PDGFRB: variants seen among roughly 807,000 people sequenced by gnomAD.
PDGFRB encodes the protein platelet derived growth factor receptor beta, also known as platelet-derived growth factor receptor beta.
A neutral mutation model predicts 120.2 loss-of-function variants in PDGFRB; 42 were observed. The observed-to-expected ratio is 0.35, with a 90% CI of 0.27 to 0.45. The LOEUF is 0.45. Ranked by LOEUF, PDGFRB falls within the 20% of genes least tolerant of loss-of-function variation. The pLI is 1.00. For missense variants in PDGFRB, 1,149 were observed against 1,476.3 expected (o/e 0.78, Z 3.63); for synonymous variants, 586 against 606.8 (o/e 0.97, Z 0.50).
chr5:150,123,328 C>T (rs1760201946), intron 14 of PDGFRB, 127 bp from the exon 15 acceptor site: 3 of 673,974 alleles, frequency 4.5e-6, no homozygotes, highest in South Asian at 1.8e-5. Flanking sequence ...GCTTTAGTGC[C>T]TTGCAAATCT....
rs165979 is a variant in PDGFRB at position 150,116,207 on chromosome 5, G to A, written c.3138-261C>T. Among the ~76,000 whole-genome samples, 79,691 of 152,046 alleles carry A rather than the reference G, an allele frequency of 0.52. 22,019 individuals carry two copies. Among genetic ancestry groups the A allele is most frequent in the African/African-American group, 0.71 (29,543 of 41,476 alleles). On this transcript the variant is annotated intron_variant, in intron 22 of 22. Transcript: ENST00000261799. ...GCAGGGTCAGCTGGCTCCAAAGCTC[G>A]TTTCTCACCCACCAGCATCTCCCTC...
intron 8 of PDGFRB, 96 bp from the exon 9 acceptor site, chr5:150,130,758 G>C (rs1385310580): frequency 9.4e-7 from 1 of 1,062,298 alleles, no homozygotes; most frequent in Non-Finnish European, 1.4e-6. Context: ...ACTCTCTTGG[G>C]GGAGGAGGGC....
Position 150,135,689 on chromosome 5 carries a change from T to G in PDGFRB, c.230A>C (p.Gln77Pro), listed in dbSNP as rs1269978839. 6.2e-7 allele frequency: 1 copy of G among 1,614,188 alleles called. No homozygotes were observed. Among genetic ancestry groups the G allele is most frequent in the Non-Finnish European group, 8.5e-7 (1 of 1,180,014 alleles). The change falls in exon 3 of 23, where the codon CAG (glutamine) becomes CCG (proline). Residue 77 changes from glutamine to proline, a missense_variant. Gln to Pro is a moderately conservative substitution (Grantham distance 76). Coordinates refer to ENST00000261799, the MANE Select transcript of PDGFRB (RefSeq NM_002609.4). ...QEPPQEMAKA[Q>P]DGTFSSVLTL... Reference sequence around the variant, plus strand: ...GAGCACGCTGGAGAAGGTGCCATCCTGGGCCTTGGCCATTTCCTGTGGGGG... The same window carrying G: ...GAGCACGCTGGAGAAGGTGCCATCCGGGGCCTTGGCCATTTCCTGTGGGGG...
Position 150,115,537 on chromosome 5 carries a change from G to T in PDGFRB, c.*226C>A. On this transcript the variant is annotated 3_prime_UTR_variant, in exon 23 of 23. Coordinates refer to ENST00000261799, the MANE Select transcript of PDGFRB (RefSeq NM_002609.4). ...CTGGGGGAACCCTGGCTCAGAGTCAGTTGGCCTCCCTGGAGGCAGAGGGCT... is the reference window on the plus strand; with the variant it reads ...CTGGGGGAACCCTGGCTCAGAGTCATTTGGCCTCCCTGGAGGCAGAGGGCT... The T allele has an allele frequency of 2.5e-6, 1 of 406,812 alleles. No homozygotes were observed. Among genetic ancestry groups the T allele is most frequent in the Non-Finnish European group, 4.3e-6 (1 of 232,238 alleles). The allele number at this position is 406,812 out of a possible 1,614,324, so 25.2% of individuals were successfully genotyped here.
chr5:150,137,081 C>T (rs1271584451), intron 1 of PDGFRB, 28 bp from the exon 2 acceptor site: 1 of 1,605,258 alleles, frequency 6.2e-7, no homozygotes. Context: ...AGTCAGGGCC[C>T]AGGGCAGGTG....
At chr5:150,118,157 G>T (rs1760021444) in intron 21 of PDGFRB, among the ~76,000 whole-genome samples, 2 of 152,150 alleles carry the variant, frequency 1.3e-5, no homozygotes, top group Non-Finnish European at 2.9e-5. Context: ...TCCTTCTTCA[G>T]GGCCTCAGTT....
In PDGFRB at chr5:150,120,745, C is replaced by A; in HGVS notation, c.2586+143G>T. 1.3e-6 allele frequency: 1 copy of A among 773,802 alleles called. No homozygotes were observed. Among genetic ancestry groups the A allele is most frequent in the South Asian group, 1.7e-5 (1 of 58,328 alleles). 47.9% of individuals were successfully genotyped at this position (773,802 alleles called of 1,614,324 possible). On this transcript the variant is annotated intron_variant, in intron 18 of 22. Transcript: ENST00000261799. This position sits in a 1 kb window ranked among gnomAD's most constrained non-coding sequence, Gnocchi z 4.3. ...CCCTGCACACATAGCTGGGCAGGCA[C>A]AGCCCATCACTGCTGTCAGGGCAGG...
rs1160163328 is a variant in PDGFRB, at chr5:150,115,833, G to A, written c.3251C>T (p.Pro1084Leu). 3 of 1,612,638 alleles carry A rather than the reference G, an allele frequency of 1.9e-6. No homozygotes were observed. The highest frequency in any genetic ancestry group is 1.1e-5 in the South Asian group (1 of 90,888). The change falls in exon 23 of 23, where the codon CCA becomes CTA. Residue 1084 changes from proline (P) to leucine (L), a missense_variant. Pro to Leu is a moderately conservative substitution (Grantham distance 98). This residue lies in a region of PDGFRB where 202 missense variants were observed against 214.3 expected (regional missense o/e 0.94). Transcript: ENST00000261799. ...PQLELQVEPEPELEQLPDSGC... is the reference protein window; with the variant it reads ...PQLELQVEPELELEQLPDSGC... Reference sequence around the variant, plus strand: ...CGAATCCGGCAACTGTTCCAGCTCTGGCTCCGGCTCCACCTGGAGCTCAAG... The same window carrying A: ...CGAATCCGGCAACTGTTCCAGCTCTAGCTCCGGCTCCACCTGGAGCTCAAG...
In PDGFRB at chr5:150,124,824, G is replaced by T. The variant is rs759476126; in HGVS notation, c.1815C>A (p.Thr605=). 6.4e-7 allele frequency: 1 copy of T among 1,571,548 alleles called. No individual in the cohort carries two copies. The highest frequency in any genetic ancestry group is 2.2e-5 in the East Asian group (1 of 44,644). ...LPRDQLVLGR[T]LGSGAFGQVV... Reference sequence around the variant, plus strand: ...CCTGCCCAAAGGCCCCAGAGCCGAGGGTGCGTCCTGGTGCAGAGATGATCC... The same window carrying T: ...CCTGCCCAAAGGCCCCAGAGCCGAGTGTGCGTCCTGGTGCAGAGATGATCC... Residue 605 remains threonine, a synonymous_variant, in exon 13 of 23, where the codon ACC becomes ACA. Coordinates refer to ENST00000261799, the MANE Select transcript of PDGFRB (RefSeq NM_002609.4).
rs1218293444 is a variant in PDGFRB at position 150,151,947 on chromosome 5, T to TA, written c.-7+3449_-7+3450insT. 2.4e-3 allele frequency among the ~76,000 whole-genome samples: 363 copies of TA among 151,928 alleles called. 1 individual carries two copies. Among genetic ancestry groups the TA allele is most frequent in the African/African-American group, 8.1e-3 (336 of 41,266 alleles). Reference sequence around the variant, plus strand: ...CGGTTTATTTATTTATTTATTTATTTTTTTTGAGACAGTCTTGCCCTGTCG... The same window carrying TA: ...CGGTTTATTTATTTATTTATTTATTTATTTTTGAGACAGTCTTGCCCTGTCG... On this transcript the variant is annotated intron_variant, in intron 1 of 22. Coordinates refer to ENST00000261799, the MANE Select transcript of PDGFRB (RefSeq NM_002609.4).
At chr5:150,139,688 GAGT>G (rs1319662809) in intron 1 of PDGFRB, among the ~76,000 whole-genome samples, 2 of 130,720 alleles carry the variant, frequency 1.5e-5, no homozygotes, top group African/African-American at 6.3e-5. Flanking sequence ...ATACAATTAA[GAGT>G]TAGACCAAGG....
chr5:150,121,705 G>A lies in PDGFRB; in HGVS notation c.2344+175C>T, dbSNP rs2113890768. Reference sequence around the variant, plus strand: ...CGCATGTTTCCGGATCCATAAACAGGGCTTCCGTTTAGGGGTCCACTACAG... The same window carrying A: ...CGCATGTTTCCGGATCCATAAACAGAGCTTCCGTTTAGGGGTCCACTACAG... On this transcript the variant is annotated intron_variant, in intron 16 of 22. Transcript: ENST00000261799. The surrounding 1 kb of genome is among the most constrained non-coding windows in gnomAD (Gnocchi z 4.1). Among the ~76,000 whole-genome samples, 1 of 152,320 alleles carries A rather than the reference G, an allele frequency of 6.6e-6. No individual in the cohort carries two copies. Among genetic ancestry groups the A allele is most frequent in the South Asian group, 2.1e-4 (1 of 4,822 alleles).
chr5:150,120,975 G>A lies in PDGFRB; in HGVS notation c.2499C>T (p.Leu833=). The A allele has an allele frequency of 1.9e-6, 3 of 1,613,854 alleles. No homozygotes were observed. Among genetic ancestry groups the A allele is most frequent in the South Asian group, 1.1e-5 (1 of 91,056 alleles). Residue 833 remains leucine, a synonymous_variant, in exon 18 of 23, where the codon CTC becomes CTT. Coordinates refer to ENST00000261799, the MANE Select transcript of PDGFRB (RefSeq NM_002609.4). The surrounding 1 kb of genome is among the most constrained non-coding windows in gnomAD (Gnocchi z 4.3). ...TCTTGACCAGCTTGCCTTCACAGAT[G>A]AGCACGTTCCTAGCCGCCAGGTCTC... The part of the protein sequence containing the change: ...VHRDLAARNV[L]ICEGKLVKIC...
At chr5:150,126,698 C>T (rs772655106) in intron 10 of PDGFRB, 84 bp from the exon 11 acceptor site, 11 of 765,920 alleles carry the variant, frequency 1.4e-5, no homozygotes, top group Non-Finnish European at 1.9e-5. Flanking sequence ...TAGATCCCTC[C>T]GTACACATCC....
chr5:150,118,894 C>T lies in PDGFRB; in HGVS notation c.2799-42G>A, dbSNP rs185316434. ...GGGTCAGGGCCTCTGGCCCAGGGTT[C>T]AGGGGACAAGGCAGGGCTGGGGGAG... is the stretch of plus-strand genomic sequence containing the variant. On this transcript the variant is annotated intron_variant, in intron 20 of 22. Coordinates refer to ENST00000261799, the MANE Select transcript of PDGFRB (RefSeq NM_002609.4). 2.3e-4 allele frequency: 295 copies of T among 1,276,482 alleles called. 2 individuals carry two copies. In the African/African-American group the frequency reaches 3.9e-3, roughly 17 times the overall value. 79.1% of individuals were successfully genotyped at this position (1,276,482 alleles called of 1,614,324 possible). A position where few individuals can be genotyped will look rare whatever the true frequency, so the allele number is the denominator to read the frequency against.
intron 22 of PDGFRB, 84 bp downstream of exon 22, chr5:150,117,534 G>GCA (rs1321451065): frequency 6.3e-5 from 41 of 646,352 alleles, no homozygotes; most frequent in Non-Finnish European, 7.5e-5. Flanking sequence ...GGCAGCGCGC[G>GCA]CGCGCGCGCG....
chr5:150,151,902 T>C (rs1761087750), intron 1 of PDGFRB, among the ~76,000 whole-genome samples: 1 of 151,096 alleles, frequency 6.6e-6, no homozygotes, highest in Admixed American at 6.6e-5. Flanking sequence ...TTTATATATC[T>C]AATTTTGAGG....
At chr5:150,130,148 C>T (rs2113903358) in intron 9 of PDGFRB, among the ~76,000 whole-genome samples, 180 bp from the exon 10 acceptor site, 1 of 152,354 alleles carries the variant, frequency 6.6e-6, no homozygotes, top group African/African-American at 2.4e-5. Flanking sequence ...CATCCCAGAA[C>T]TGACAACGTG....
intron 1 of PDGFRB, among the ~76,000 whole-genome samples, chr5:150,151,692 T>G (rs1219466350): frequency 6.6e-6 from 1 of 151,918 alleles, no homozygotes; most frequent in African/African-American, 2.4e-5. Flanking sequence ...AAACCCCATC[T>G]GTACTAAAAA....
Sources: allele counts gnomAD v4.1 joint callset (sites outside exome capture counted in the v4.1 genomes callset), GRCh38; gene constraint gnomAD v4.1.1; regional missense constraint gnomAD v4.1.1; non-coding constraint Gnocchi (gnomAD v3.1); transcripts MANE v1.5; gene names NCBI Gene and HGNC (gene_info 2026-07-23, HGNC 2026-07-21).